Variants in DOCK4 observed in about 807,000 individuals in gnomAD.
The protein encoded by DOCK4 is dedicator of cytokinesis protein 4.
A neutral mutation model predicts 268.1 loss-of-function variants in DOCK4; 97 were observed. The ratio of observed to expected loss-of-function variants is 0.36; its 90% confidence interval spans 0.31 to 0.43. The LOEUF is 0.43. DOCK4 is among the 20% of genes least tolerant of loss of function. The pLI, the probability that DOCK4 is intolerant of heterozygous loss-of-function variation, is 1.00. For synonymous variants in DOCK4, 954 were observed against 887.2 expected (o/e 1.08, Z -1.34); for missense variants, 2,145 against 2,455.7 (o/e 0.87, Z 2.67).
chr7:111,795,243 G>GGATCACGGAAGCCCAAAATGA (rs1799813082), intron 30 of DOCK4, among the ~76,000 whole-genome samples: 1 of 152,100 alleles, frequency 6.6e-6, no homozygotes, highest in Admixed American at 6.6e-5. Context: ...TGAGGCAGGA[G>GGATCACGGAAGCCCAAAATGA]GATCACGGAA....
rs181054506 is a variant in DOCK4, at chr7:112,003,006, C to G, written c.121+1042G>C. Among the ~76,000 whole-genome samples the G allele has an allele frequency of 3.6e-3, 539 of 149,230 alleles. 3 individuals are homozygous for G. The highest frequency in any genetic ancestry group is 0.012 in the African/African-American group (502 of 40,546). ...GCAGAGGTTGCAGTGAGCCAAGATC[C>G]CGCCACTGAACTCCAGCATGGGTGA... On this transcript the variant is annotated intron_variant, in intron 2 of 52. Transcript: ENST00000428084.
chr7:111,873,023 G>C (rs1446800882), intron 17 of DOCK4, among the ~76,000 whole-genome samples: 1 of 152,186 alleles, frequency 6.6e-6, no homozygotes. Flanking sequence ...ATAGCACTCT[G>C]CCTAGCAACC....
intron 41 of DOCK4, among the ~76,000 whole-genome samples, chr7:111,758,393 C>T (rs1319528583): frequency 5.9e-5 from 9 of 152,168 alleles, no homozygotes; most frequent in African/African-American, 9.7e-5. Context: ...TCCTCCCAGA[C>T]CAACTGAGTC....
chr7:111,827,704 TAAGG>T (rs1284776517), intron 26 of DOCK4, among the ~76,000 whole-genome samples: 1 of 152,168 alleles, frequency 6.6e-6, no homozygotes, highest in Non-Finnish European at 1.5e-5. Context: ...ATTTGGTTTT[TAAGG>T]AATATAACAG....
intron 4 of DOCK4, among the ~76,000 whole-genome samples, chr7:111,997,010 G>C (rs868167835): frequency 6.6e-6 from 1 of 152,308 alleles, no homozygotes; most frequent in Middle Eastern, 3.4e-3. Flanking sequence ...GCAGCAAAGA[G>C]GACTGGTTGC....
In DOCK4 at chr7:112,076,953, G is replaced by C. The variant is rs182534650; in HGVS notation, c.38-72822C>G. On this transcript the variant is annotated intron_variant, in intron 1 of 52. Transcript: ENST00000428084. ...GATCGCATCATTTGAACACTTTCCT[G>C]CAAGAGACTTGTTACATATAAATGG... is the stretch of plus-strand genomic sequence containing the variant. Among the ~76,000 whole-genome samples, 22 of 137,182 alleles carry C rather than the reference G, an allele frequency of 1.6e-4. No homozygotes were observed. In the East Asian group the frequency reaches 4.8e-3, roughly 30 times the overall value. The allele number at this position is 137,182 out of a possible 152,430, so 90.0% of individuals were successfully genotyped here. A position where few individuals can be genotyped will look rare whatever the true frequency, so the allele number is the denominator to read the frequency against.
chr7:111,929,711 T>C (rs1794041058), intron 12 of DOCK4, among the ~76,000 whole-genome samples: 1 of 149,142 alleles, frequency 6.7e-6, no homozygotes, highest in Admixed American at 6.6e-5. Context: ...TCTCGCTATA[T>C]ATTGTGGTCT....
chr7:111,793,754 G>A (rs763705263), intron 30 of DOCK4, among the ~76,000 whole-genome samples: 3 of 152,140 alleles, frequency 2.0e-5, no homozygotes, highest in Non-Finnish European at 4.4e-5. Flanking sequence ...GTGGTTCAAC[G>A]CCTGCAGTCC....
chr7:111,991,266 G>T (rs1324343782), intron 5 of DOCK4, among the ~76,000 whole-genome samples: 1 of 152,154 alleles, frequency 6.6e-6, no homozygotes. Flanking sequence ...ACCCAGGTGT[G>T]GCAAGAATGC....
At chr7:111,992,641 T>C (rs372808521) in intron 5 of DOCK4, among the ~76,000 whole-genome samples, 40 of 152,156 alleles carry the variant, frequency 2.6e-4, no homozygotes, top group Non-Finnish European at 1.5e-4. Context: ...ATTTGAAACC[T>C]CGAACACAGG....
intron 1 of DOCK4, among the ~76,000 whole-genome samples, chr7:112,041,933 C>T (rs1804402068): frequency 6.6e-6 from 1 of 152,006 alleles, no homozygotes; most frequent in Non-Finnish European, 1.5e-5. Flanking sequence ...AGCCTATGGG[C>T]GTATAGGGGA....
At position 111,728,135 on chromosome 7, in the gene DOCK4, T is replaced by C. The variant is rs543720869; in HGVS notation, c.*139A>G. ...CAACTTTTAATATTGTGCAACATGA[T>C]ATTTAATAAGCAAGTTTTAATTCCA... On this transcript the variant is annotated 3_prime_UTR_variant, in exon 53 of 53. Coordinates refer to ENST00000428084, the MANE Select transcript of DOCK4 (RefSeq NM_001363540.2). 10 of 600,266 alleles carry C rather than the reference T, an allele frequency of 1.7e-5. No homozygotes were observed. The East Asian group carries it at 2.7e-4, about 16-fold the overall frequency. The allele number at this position is 600,266 out of a possible 1,614,324, so 37.2% of individuals were successfully genotyped here.
intron 12 of DOCK4, among the ~76,000 whole-genome samples, chr7:111,917,499 G>T (rs137920432): frequency 0.014 from 2,156 of 151,902 alleles, 21 homozygotes; most frequent in Middle Eastern, 0.037. Flanking sequence ...GGATCATGAG[G>T]TCAGGAGATC....
chr7:112,002,530 C>T (rs1586615303), intron 2 of DOCK4, among the ~76,000 whole-genome samples: 1 of 152,118 alleles, frequency 6.6e-6, no homozygotes, highest in Non-Finnish European at 1.5e-5. Context: ...GTATCAATCA[C>T]AGTGGACAGA....
intron 35 of DOCK4, among the ~76,000 whole-genome samples, chr7:111,780,721 C>T (rs1585965081): frequency 1.3e-5 from 2 of 152,268 alleles, no homozygotes; most frequent in Admixed American, 1.3e-4. Flanking sequence ...CTGGAATTGA[C>T]TTTTTCAAAG....
intron 1 of DOCK4, among the ~76,000 whole-genome samples, chr7:112,042,061 GC>G (rs1275672684): frequency 6.6e-6 from 1 of 152,206 alleles, no homozygotes; most frequent in African/African-American, 2.4e-5. Context: ...GGAGTTCAAG[GC>G]TACAGTGTAC....
intron 20 of DOCK4, among the ~76,000 whole-genome samples, chr7:111,870,866 A>C (rs1467509005): frequency 6.6e-6 from 1 of 152,146 alleles, no homozygotes; most frequent in Non-Finnish European, 1.5e-5. Context: ...TCCAAAGACA[A>C]TTTAACTTGG....
intron 8 of DOCK4, among the ~76,000 whole-genome samples, chr7:111,950,366 C>T (rs1795961407): frequency 1.3e-5 from 2 of 152,196 alleles, no homozygotes; most frequent in South Asian, 4.1e-4. Context: ...GATCAGATGA[C>T]AAAATTAGTT....
chr7:111,868,339 C>T (rs965921118), intron 21 of DOCK4, among the ~76,000 whole-genome samples, 185 bp from the exon 22 acceptor site: 1 of 151,682 alleles, frequency 6.6e-6, no homozygotes, highest in Non-Finnish European at 1.5e-5. Flanking sequence ...TTCTCTGATG[C>T]CTAATGAGAG....
Sources: gnomAD v4.1 joint callset for allele counts (sites outside exome capture counted in the v4.1 genomes callset) on GRCh38, gnomAD v4.1.1 for gene constraint, MANE v1.5 for transcripts, NCBI Gene and HGNC (gene_info 2026-07-23, HGNC 2026-07-21) for gene names.